Variants in ZFP41 observed in about 807,000 individuals in gnomAD.
The protein encoded by ZFP41 is ZFP41 zinc finger protein.
ZFP41 carries 10 observed loss-of-function variants against 11.6 expected under a neutral mutation model. The observed-to-expected ratio is 0.86, with a 90% confidence interval of 0.53 to 1.47. The LOEUF (loss-of-function observed/expected upper bound fraction) is 1.47, where lower values mean the gene tolerates loss of function less well. Among genes scored for constraint, ZFP41 ranks in the 40% most tolerant of loss-of-function variants. The probability of loss-of-function intolerance (pLI) is 0.00; values close to 1 mark genes in which losing one functional copy is unlikely to be tolerated. For missense variants in ZFP41, 302 were observed against 264.6 expected (o/e 1.14, Z -0.98); for synonymous variants, 123 against 100.9 (o/e 1.22, Z -1.31).
rs983048293 is a variant in ZFP41, at chr8:143,250,533, C to T, written c.*93C>T. ...TCGTGTCCCGCGTCTGATGGGGGCG[C>T]AGGGCCGTGCGCACTGTGTTCCGTG... On this transcript the variant is annotated 3_prime_UTR_variant, in exon 2 of 3. Coordinates refer to ENST00000330701, the MANE Select transcript of ZFP41 (RefSeq NM_173832.6). 27 of 1,534,236 alleles carry T rather than the reference C, an allele frequency of 1.8e-5. No individual in the cohort carries two copies. Among genetic ancestry groups the T allele is most frequent in the Non-Finnish European group, 2.1e-5 (24 of 1,141,226 alleles).
At chr8:143,248,444 A>C (rs1484065434) in intron 1 of ZFP41, 3 of 152,484 alleles carry the variant, frequency 2.0e-5, no homozygotes, top group Admixed American at 2.0e-4. Context: ...CGTTAGGCTC[A>C]GTGGGTTCAC....
Position 143,249,745 on chromosome 8 carries a change from G to A in ZFP41, c.-99G>A. On this transcript the variant is annotated 5_prime_UTR_variant, in exon 2 of 3. Transcript: ENST00000330701. ...GGTGCAGAGCATCAGTCCCACGCTG[G>A]GAGTGTGGAGAGGTGCGTGGGAAGC... 1.4e-6 allele frequency: 2 copies of A among 1,480,134 alleles called. No individual in the cohort carries two copies. Among genetic ancestry groups the A allele is most frequent in the Non-Finnish European group, 1.8e-6 (2 of 1,117,588 alleles). 91.7% of individuals were successfully genotyped at this position (1,480,134 alleles called of 1,614,324 possible).
At position 143,258,249 on chromosome 8, in the gene ZFP41, A is replaced by T. The variant is rs936107602; in HGVS notation, c.*901-1526A>T. On this transcript the variant is annotated intron_variant, in intron 2 of 2. Coordinates refer to ENST00000330701, the MANE Select transcript of ZFP41 (RefSeq NM_173832.6). Reference sequence around the variant, plus strand: ...GGTAGGAGGATCAGTTGAGCCCAGGAGGTTGACACTTCAGTGAACTGGGAT... The same window carrying T: ...GGTAGGAGGATCAGTTGAGCCCAGGTGGTTGACACTTCAGTGAACTGGGAT... Among the ~76,000 whole-genome samples, 3 of 152,220 alleles carry T rather than the reference A, an allele frequency of 2.0e-5. No homozygotes were observed. The East Asian group carries it at 5.8e-4, about 29-fold the overall frequency.
At position 143,250,556 on chromosome 8, in the gene ZFP41, G is replaced by A. The variant is rs114987139; in HGVS notation, c.*116G>A. On this transcript the variant is annotated 3_prime_UTR_variant, in exon 2 of 3. Coordinates refer to ENST00000330701, the MANE Select transcript of ZFP41 (RefSeq NM_173832.6). ...CGCAGGGCCGTGCGCACTGTGTTCC[G>A]TGCCCTGGGGACCCCCGGAAAAGCA... The A allele has an allele frequency of 1.6e-3, 2,440 of 1,491,056 alleles. 20 individuals are homozygous for A. The African/African-American group carries it at 0.022, about 14-fold the overall frequency. The allele number at this position is 1,491,056 out of a possible 1,614,324, so 92.4% of individuals were successfully genotyped here.
chr8:143,257,131 A>G (rs572501267), intron 2 of ZFP41, among the ~76,000 whole-genome samples: 1 of 152,324 alleles, frequency 6.6e-6, no homozygotes, highest in South Asian at 2.1e-4. Context: ...TGCTGTTAGG[A>G]GAGGAGCTGG....
At chr8:143,253,806 T>G (rs1563727914) in intron 2 of ZFP41, among the ~76,000 whole-genome samples, 1 of 152,160 alleles carries the variant, frequency 6.6e-6, no homozygotes, top group Admixed American at 6.5e-5. Flanking sequence ...CTCTCACTCT[T>G]GAGGTTCACT....
chr8:143,261,768 G>A lies in ZFP41; in HGVS notation c.*2894G>A. ...GCCGGCAGCCCCTACCCGCACCCGT[G>A]CACCTTCCACGCCCGTCTCCAGCAG... On this transcript the variant is annotated 3_prime_UTR_variant, in exon 3 of 3. Transcript: ENST00000330701. The A allele has an allele frequency of 4.9e-6, 1 of 205,386 alleles. No homozygotes were observed. Among genetic ancestry groups the A allele is most frequent in the Non-Finnish European group, 9.8e-6 (1 of 101,606 alleles). 12.7% of individuals were successfully genotyped at this position (205,386 alleles called of 1,614,324 possible). A position where few individuals can be genotyped will look rare whatever the true frequency, so the allele number is the denominator to read the frequency against.
chr8:143,251,494 T>C (rs777546077), intron 2 of ZFP41, among the ~76,000 whole-genome samples, 154 bp downstream of exon 2: 1 of 152,262 alleles, frequency 6.6e-6, no homozygotes, highest in East Asian at 1.9e-4. Context: ...CAAATGACTT[T>C]GTAAACCAGG....
intron 2 of ZFP41, chr8:143,252,825 C>G (rs1814807104): frequency 6.2e-6 from 1 of 161,520 alleles, no homozygotes; most frequent in African/African-American, 2.4e-5. Context: ...CAGCCTCAGC[C>G]TCACCTAGAT....
chr8:143,249,813 C>A lies in ZFP41; in HGVS notation c.-31C>A. On this transcript the variant is annotated 5_prime_UTR_variant, in exon 2 of 3. Transcript: ENST00000330701. ...GGGCCAACAGAGAGGTCAGCAGCCC[C>A]TTAGCCCTCACGCTTCCAAGGAACA... 1 of 1,548,772 alleles carries A rather than the reference C, an allele frequency of 6.5e-7. No individual in the cohort carries two copies. The highest frequency in any genetic ancestry group is 2.3e-5 in the East Asian group (1 of 44,384).
intron 2 of ZFP41, among the ~76,000 whole-genome samples, chr8:143,251,554 T>G (rs1225640384): frequency 6.6e-6 from 1 of 152,234 alleles, no homozygotes; most frequent in Non-Finnish European, 1.5e-5. Context: ...TTCAGCTGTT[T>G]AGACGTGAAA....
chr8:143,248,899 G>C (rs1283697039), intron 1 of ZFP41, among the ~76,000 whole-genome samples: 3 of 152,238 alleles, frequency 2.0e-5, no homozygotes, highest in Non-Finnish European at 4.4e-5. Flanking sequence ...TCCTTGTTGA[G>C]ATAGGAAATC....
At chr8:143,255,565 C>T (rs1430255249) in intron 2 of ZFP41, among the ~76,000 whole-genome samples, 2 of 144,996 alleles carry the variant, frequency 1.4e-5, no homozygotes, top group Non-Finnish European at 1.5e-5. Context: ...GCTCGCCCCG[C>T]GTGCTGGTGT....
intron 2 of ZFP41, among the ~76,000 whole-genome samples, chr8:143,258,359 A>G (rs1273564563): frequency 4.5e-4 from 68 of 152,200 alleles, no homozygotes; most frequent in Admixed American, 4.5e-3. Flanking sequence ...CTTCCCTGTA[A>G]TCATCTGCTG....
At chr8:143,253,860 A>T (rs2130712795) in intron 2 of ZFP41, among the ~76,000 whole-genome samples, 1 of 152,030 alleles carries the variant, frequency 6.6e-6, no homozygotes, top group Admixed American at 6.5e-5. Context: ...CCTTCTTGGC[A>T]CCTGGGACCA....
chr8:143,252,122 G>C (rs1001148311), intron 2 of ZFP41, among the ~76,000 whole-genome samples: 2 of 152,226 alleles, frequency 1.3e-5, no homozygotes, highest in Admixed American at 6.5e-5. Context: ...AAATAGCCTA[G>C]AACTGGAAAA....
chr8:143,249,853 C>T lies in ZFP41; in HGVS notation c.10C>T (p.Pro4Ser), dbSNP rs1816762704. The change falls in exon 2 of 3, where the codon CCT becomes TCT. Residue 4 changes from proline (P) to serine (S), a missense_variant. Coordinates refer to ENST00000330701, the MANE Select transcript of ZFP41 (RefSeq NM_173832.6). ...TCCAAGGAACAGAATGATGGAGAAGCCTGCAGGCAGAAAAAAGAAGACGCC... is the reference window on the plus strand; with the variant it reads ...TCCAAGGAACAGAATGATGGAGAAGTCTGCAGGCAGAAAAAAGAAGACGCC... MEK[P>S]AGRKKKTPTP... 1.3e-6 allele frequency: 2 copies of T among 1,595,692 alleles called. No individual in the cohort carries two copies. Among genetic ancestry groups the T allele is most frequent in the South Asian group, 1.1e-5 (1 of 89,142 alleles).
Position 143,250,903 on chromosome 8 carries a change from G to A in ZFP41, c.*463G>A, listed in dbSNP as rs1814729568. The A allele has an allele frequency of 5.4e-6, 1 of 186,122 alleles. No individual in the cohort carries two copies. The highest frequency in any genetic ancestry group is 1.3e-5 in the Non-Finnish European group (1 of 78,404). 11.5% of individuals were successfully genotyped at this position (186,122 alleles called of 1,614,324 possible). A position where few individuals can be genotyped will look rare whatever the true frequency, so the allele number is the denominator to read the frequency against. On this transcript the variant is annotated 3_prime_UTR_variant, in exon 2 of 3. Transcript: ENST00000330701. ...CTTTCATCTGCCGCTGAAGGCCCCAGTCTGGACTCTCTGCCCTCTGGGTCC... is the reference window on the plus strand; with the variant it reads ...CTTTCATCTGCCGCTGAAGGCCCCAATCTGGACTCTCTGCCCTCTGGGTCC...
At chr8:143,256,994 C>A (rs1269534365) in intron 2 of ZFP41, among the ~76,000 whole-genome samples, 1 of 152,206 alleles carries the variant, frequency 6.6e-6, no homozygotes, top group Non-Finnish European at 1.5e-5. Flanking sequence ...GCTCTTATTG[C>A]AGGAAGAGAA....
Sources: allele counts gnomAD v4.1 joint callset (sites outside exome capture counted in the v4.1 genomes callset), GRCh38; gene constraint gnomAD v4.1.1; transcripts MANE v1.5; gene names NCBI Gene and HGNC (gene_info 2026-07-23, HGNC 2026-07-21).